Variants in TTLL11 observed in about 807,000 individuals in gnomAD.
TTLL11 encodes tubulin tyrosine ligase like 11, also known as tubulin polyglutamylase TTLL11.
A neutral mutation model predicts 51.7 loss-of-function variants in TTLL11; 42 were observed. That is an observed-to-expected ratio of 0.81 (90% CI 0.64 to 1.05). TTLL11 has a LOEUF of 1.05. Ranked by LOEUF, TTLL11 falls within the 50% of genes least tolerant of loss-of-function variation. The probability of loss-of-function intolerance (pLI) is 0.00; values close to 1 mark genes in which losing one functional copy is unlikely to be tolerated. For missense variants in TTLL11, 799 were observed against 940.4 expected (o/e 0.85, Z 1.97); for synonymous variants, 381 against 383.5 (o/e 0.99, Z 0.08).
chr9:121,980,814 G>A (rs1447467256), intron 4 of TTLL11, among the ~76,000 whole-genome samples: 2 of 152,214 alleles, frequency 1.3e-5, no homozygotes, highest in Non-Finnish European at 2.9e-5. Flanking sequence ...TATACGCCAT[G>A]GAATACTATG....
At chr9:122,076,125 A>C (rs73662583) in intron 1 of TTLL11, among the ~76,000 whole-genome samples, 5,199 of 152,210 alleles carry the variant, frequency 0.034, 318 homozygotes, top group African/African-American at 0.12. Flanking sequence ...CTTAATCAAT[A>C]ATCTTCCCCA....
intron 8 of TTLL11, among the ~76,000 whole-genome samples, chr9:121,826,518 T>C (rs1274492144): frequency 0.048 from 2,974 of 61,572 alleles, 197 homozygotes; most frequent in African/African-American, 0.15. Context: ...TATATATGTA[T>C]ATATATATAT....
intron 8 of TTLL11, 76 bp downstream of exon 8, chr9:121,860,261 C>T: frequency 1.7e-6 from 2 of 1,156,638 alleles, no homozygotes; most frequent in Non-Finnish European, 2.5e-6. Context: ...GAACCCTTGA[C>T]AAGAAGGAAC....
At chr9:121,994,351 AG>A (rs1457431746) in intron 3 of TTLL11, among the ~76,000 whole-genome samples, 1 of 152,216 alleles carries the variant, frequency 6.6e-6, no homozygotes, top group Non-Finnish European at 1.5e-5. Context: ...TGAGATTGGC[AG>A]GGGCCAGATA....
At chr9:121,931,598 A>AG (rs1370687149) in intron 6 of TTLL11, among the ~76,000 whole-genome samples, 21 of 151,206 alleles carry the variant, frequency 1.4e-4, no homozygotes, top group African/African-American at 4.8e-4. Context: ...AAAAAAAAAA[A>AG]AAAAAAAGAA....
chr9:121,985,602 C>T (rs369233489), intron 4 of TTLL11, among the ~76,000 whole-genome samples: 104 of 149,888 alleles, frequency 6.9e-4, no homozygotes, highest in Middle Eastern at 3.5e-3. Context: ...CTGCAAGCTC[C>T]GCCTCCCGGG....
At chr9:121,865,273 C>T (rs1838144293) in intron 7 of TTLL11, among the ~76,000 whole-genome samples, 2 of 152,086 alleles carry the variant, frequency 1.3e-5, no homozygotes, top group African/African-American at 2.4e-5. Context: ...CTACCCATTA[C>T]GAAGCATGTT....
At chr9:122,031,912 C>A in intron 2 of TTLL11, 56 bp from the exon 3 acceptor site, 1 of 1,564,666 alleles carries the variant, frequency 6.4e-7, no homozygotes, top group South Asian at 1.2e-5. Flanking sequence ...AGCTATAAAA[C>A]AGCCATTATT....
intron 6 of TTLL11, among the ~76,000 whole-genome samples, chr9:121,889,250 GAGAC>G: frequency 6.6e-6 from 1 of 152,000 alleles, no homozygotes; most frequent in Non-Finnish European, 1.5e-5. Context: ...GGAATAGTGA[GAGAC>G]AGAGAGAGCT....
In TTLL11 at chr9:121,822,379, G is replaced by T; in HGVS notation, c.*208C>A. On this transcript the variant is annotated 3_prime_UTR_variant, in exon 9 of 9. Transcript: ENST00000321582. This position sits in a 1 kb window ranked among gnomAD's most constrained non-coding sequence, Gnocchi z 5.8. ...ATGACTGATGACTCAGAAACAGGGT[G>T]TATCACCAGGAGGTGTGAGGAGGAA... The T allele has an allele frequency of 2.3e-6, 1 of 443,234 alleles. No individual in the cohort carries two copies. The allele number at this position is 443,234 out of a possible 1,614,324, so 27.5% of individuals were successfully genotyped here.
rs555262879 is a variant in TTLL11, at chr9:121,839,183, T to TA, written c.1841-16305_1841-16304insT. 3.7e-3 allele frequency among the ~76,000 whole-genome samples: 560 copies of TA among 152,282 alleles called. 1 individual carries two copies. The highest frequency in any genetic ancestry group is 0.013 in the African/African-American group (521 of 41,538). ...TTATTTCACAGAACGCATCACAACG[T>TA]CTAATTACATGCAATTTCTGCGTTT... On this transcript the variant is annotated intron_variant, in intron 8 of 8. Transcript: ENST00000321582.
At chr9:121,888,776 A>T (rs1218033147) in intron 6 of TTLL11, among the ~76,000 whole-genome samples, 1 of 152,260 alleles carries the variant, frequency 6.6e-6, no homozygotes, top group African/African-American at 2.4e-5. Flanking sequence ...TTCCTTGCAT[A>T]ACTGTGATCC....
chr9:121,954,734 A>T (rs989924103), intron 6 of TTLL11, among the ~76,000 whole-genome samples: 1 of 152,120 alleles, frequency 6.6e-6, no homozygotes, highest in African/African-American at 2.4e-5. Context: ...TGATAAACAC[A>T]GCTTCCAATT....
At chr9:122,050,258 C>T (rs1395614555) in intron 1 of TTLL11, among the ~76,000 whole-genome samples, 2 of 152,142 alleles carry the variant, frequency 1.3e-5, no homozygotes, top group Non-Finnish European at 2.9e-5. Context: ...TTTTTAATGT[C>T]CAAGGAAATC....
chr9:122,074,476 T>C (rs979001068), intron 1 of TTLL11, among the ~76,000 whole-genome samples: 2 of 152,226 alleles, frequency 1.3e-5, no homozygotes, highest in Admixed American at 6.5e-5. Context: ...TATTTTGGTT[T>C]TGTAAACTAA....
At chr9:122,001,563 T>G in intron 3 of TTLL11, among the ~76,000 whole-genome samples, 2 of 150,980 alleles carry the variant, frequency 1.3e-5, no homozygotes, top group African/African-American at 2.4e-5. Context: ...ACTTCAGGGG[T>G]CAAGGTCGCC....
chr9:121,833,502 A>G (rs1238665886), intron 8 of TTLL11, among the ~76,000 whole-genome samples: 1 of 152,212 alleles, frequency 6.6e-6, no homozygotes, highest in Non-Finnish European at 1.5e-5. Flanking sequence ...TTACGTCTGC[A>G]TAGCACTTTC....
chr9:121,873,737 TAGCCTAGGCTC>T (rs1838452269), intron 6 of TTLL11, among the ~76,000 whole-genome samples: 1 of 150,988 alleles, frequency 6.6e-6, no homozygotes, highest in African/African-American at 2.4e-5. Flanking sequence ...CAGCTCACTG[TAGCCTAGGCTC>T]AGCCTAGGTA....
At chr9:121,835,656 C>A (rs1393058070) in intron 8 of TTLL11, among the ~76,000 whole-genome samples, 5 of 152,194 alleles carry the variant, frequency 3.3e-5, no homozygotes, top group Non-Finnish European at 7.3e-5. Context: ...CAAACATAAT[C>A]AAAGGTGAAA....
Sources: gnomAD v4.1 joint callset for allele counts (sites outside exome capture counted in the v4.1 genomes callset) on GRCh38, gnomAD v4.1.1 for gene constraint, Gnocchi (gnomAD v3.1) non-coding constraint, MANE v1.5 for transcripts, NCBI Gene and HGNC (gene_info 2026-07-23, HGNC 2026-07-21) for gene names.